TMEM178B: variants seen among roughly 807,000 people sequenced by gnomAD.
The protein encoded by TMEM178B is transmembrane protein 178B.
A neutral mutation model predicts 31.0 loss-of-function variants in TMEM178B; 5 were observed. The ratio of observed to expected loss-of-function variants is 0.16; its 90% CI spans 0.08 to 0.34. The LOEUF is 0.34. Among genes scored for constraint, TMEM178B ranks in the 10% least tolerant of loss-of-function variants. TMEM178B has a pLI of 1.00. For missense variants in TMEM178B, 275 were observed against 400.3 expected (o/e 0.69, Z 2.67); for synonymous variants, 164 against 164.0 (o/e 1.00, Z 0.00).
At chr7:141,304,252 T>G (rs751811870) in intron 2 of TMEM178B, among the ~76,000 whole-genome samples, 1 of 152,158 alleles carries the variant, frequency 6.6e-6, no homozygotes, top group Non-Finnish European at 1.5e-5. Context: ...TGTGAGGTAC[T>G]GGCAATTAAA....
At chr7:141,354,841 T>G (rs1348115568) in intron 2 of TMEM178B, among the ~76,000 whole-genome samples, 1 of 152,238 alleles carries the variant, frequency 6.6e-6, no homozygotes, top group Non-Finnish European at 1.5e-5. Flanking sequence ...CTCTCTTTCC[T>G]TTCATCTCCT....
chr7:141,285,079 C>T (rs1161568383), intron 2 of TMEM178B, among the ~76,000 whole-genome samples: 1 of 146,996 alleles, frequency 6.8e-6, no homozygotes, highest in Non-Finnish European at 1.5e-5. Flanking sequence ...AAACTACATA[C>T]GTTATTTGGA....
intron 2 of TMEM178B, among the ~76,000 whole-genome samples, chr7:141,307,582 G>T (rs1489350807): frequency 2.0e-5 from 3 of 152,206 alleles, no homozygotes; most frequent in South Asian, 2.1e-4. Context: ...GGCACTGAGG[G>T]GTCACGGGAC....
chr7:141,279,114 C>A (rs1273822916), intron 2 of TMEM178B, among the ~76,000 whole-genome samples: 1 of 152,092 alleles, frequency 6.6e-6, no homozygotes. Context: ...TCGATGGGTC[C>A]TTGTCTTGGA....
At chr7:141,278,740 C>T (rs568573847) in intron 2 of TMEM178B, among the ~76,000 whole-genome samples, 6 of 152,210 alleles carry the variant, frequency 3.9e-5, no homozygotes, top group Admixed American at 6.5e-5. Context: ...GTGCAACCAG[C>T]GCTGTGGAAC....
At chr7:141,285,959 G>C (rs1158834631) in intron 2 of TMEM178B, among the ~76,000 whole-genome samples, 1 of 152,112 alleles carries the variant, frequency 6.6e-6, no homozygotes, top group African/African-American at 2.4e-5. Context: ...GGGAGCTAGG[G>C]GAGGGATAGC....
At chr7:141,176,242 T>C (rs1563108364) in intron 1 of TMEM178B, among the ~76,000 whole-genome samples, 1 of 152,214 alleles carries the variant, frequency 6.6e-6, no homozygotes, top group Admixed American at 6.5e-5. Flanking sequence ...TTGGTTCTGT[T>C]TATGTGATGG....
intron 2 of TMEM178B, among the ~76,000 whole-genome samples, chr7:141,388,936 T>C (rs1298082743): frequency 6.6e-6 from 1 of 152,182 alleles, no homozygotes; most frequent in Admixed American, 6.5e-5. Flanking sequence ...GCATGAGTAG[T>C]ATCCTGGGAC....
At chr7:141,250,465 G>T (rs1039781495) in intron 2 of TMEM178B, among the ~76,000 whole-genome samples, 1 of 152,160 alleles carries the variant, frequency 6.6e-6, no homozygotes, top group Non-Finnish European at 1.5e-5. Context: ...TGTCCTCTCC[G>T]TGTAATTGGG....
At chr7:141,323,696 G>A (rs570037332) in intron 2 of TMEM178B, among the ~76,000 whole-genome samples, 7 of 152,142 alleles carry the variant, frequency 4.6e-5, no homozygotes, top group African/African-American at 1.7e-4. Context: ...AGGCACTATA[G>A]CAGTGGTTCT....
intron 3 of TMEM178B, among the ~76,000 whole-genome samples, chr7:141,449,091 C>A (rs1227695754): frequency 1.3e-5 from 2 of 152,274 alleles, no homozygotes; most frequent in East Asian, 3.9e-4. Context: ...AAACTTAGGT[C>A]ATTTCTAAAG....
intron 1 of TMEM178B, among the ~76,000 whole-genome samples, chr7:141,090,099 A>G (rs1356793646): frequency 1.3e-5 from 2 of 152,088 alleles, no homozygotes; most frequent in Non-Finnish European, 2.9e-5. Context: ...TCATCAGCAT[A>G]CTTGGATACA....
intron 3 of TMEM178B, among the ~76,000 whole-genome samples, chr7:141,453,314 C>G (rs531299175): frequency 1.3e-5 from 2 of 152,344 alleles, no homozygotes; most frequent in East Asian, 3.9e-4. Flanking sequence ...GTAACTTTGA[C>G]TTCTTGGCCT....
intron 2 of TMEM178B, among the ~76,000 whole-genome samples, chr7:141,246,238 T>C (rs1293042098): frequency 2.0e-5 from 3 of 152,246 alleles, no homozygotes; most frequent in African/African-American, 7.2e-5. Flanking sequence ...ATGCTTATTT[T>C]AGTTCACATA....
intron 2 of TMEM178B, among the ~76,000 whole-genome samples, chr7:141,427,225 A>G (rs1278757855): frequency 6.6e-6 from 1 of 152,238 alleles, no homozygotes; most frequent in Non-Finnish European, 1.5e-5. Context: ...TAAAATTTGT[A>G]TGGAATGACA....
At chr7:141,139,200 A>C (rs1311409040) in intron 1 of TMEM178B, among the ~76,000 whole-genome samples, 4 of 152,218 alleles carry the variant, frequency 2.6e-5, no homozygotes, top group Non-Finnish European at 5.9e-5. Context: ...TTCGCCATTA[A>C]TCACGCAGTC....
intron 2 of TMEM178B, among the ~76,000 whole-genome samples, chr7:141,265,996 C>A (rs1201054974): frequency 6.6e-6 from 1 of 152,142 alleles, no homozygotes; most frequent in African/African-American, 2.4e-5. Flanking sequence ...GGATCAGAGT[C>A]CCCTGTGAGC....
intron 2 of TMEM178B, among the ~76,000 whole-genome samples, chr7:141,368,455 G>A (rs1309985958): frequency 6.6e-6 from 1 of 152,152 alleles, no homozygotes; most frequent in African/African-American, 2.4e-5. Context: ...ACACCTCATT[G>A]GATTTTTACA....
intron 2 of TMEM178B, among the ~76,000 whole-genome samples, chr7:141,394,573 A>G (rs998799023): frequency 6.6e-6 from 1 of 152,206 alleles, no homozygotes; most frequent in African/African-American, 2.4e-5. Context: ...CATCTTCCAC[A>G]ATGCATGAGA....
Sources: gnomAD v4.1 joint callset for allele counts (sites outside exome capture counted in the v4.1 genomes callset) on GRCh38, gnomAD v4.1.1 for gene constraint, MANE v1.5 for transcripts, NCBI Gene and HGNC (gene_info 2026-07-23, HGNC 2026-07-21) for gene names.